SMURF1: variants seen among roughly 807,000 people sequenced by gnomAD.
The protein encoded by SMURF1 is E3 ubiquitin-protein ligase SMURF1.
In SMURF1, 44 loss-of-function variants were observed where a neutral mutation model predicts 98.0. The ratio of observed to expected loss-of-function variants is 0.45; its 90% CI spans 0.35 to 0.58. The LOEUF (loss-of-function observed/expected upper bound fraction) is 0.58, where lower values mean the gene tolerates loss of function less well. Among genes scored for constraint, SMURF1 ranks in the 20% least tolerant of loss-of-function variants. The pLI is 0.00. For missense variants in SMURF1, 687 were observed against 938.4 expected, an observed-to-expected ratio of 0.73 and a Z score of 3.50; for synonymous variants, 396 against 374.9, an observed-to-expected ratio of 1.06 and a Z score of -0.65.
At chr7:99,084,374 G>C (rs1796633342) in intron 1 of SMURF1, among the ~76,000 whole-genome samples, 1 of 152,128 alleles carries the variant, frequency 6.6e-6, no homozygotes, top group Admixed American at 6.6e-5. Flanking sequence ...TCCGACTCTT[G>C]ACCTCGTGAT....
chr7:99,143,818 A>G lies in SMURF1; in HGVS notation c.-38T>C, dbSNP rs199777869. 0.043 allele frequency: 62,354 copies of G among 1,451,388 alleles called. 1,451 individuals carry two copies. The highest frequency in any genetic ancestry group is 0.08 in the Middle Eastern group (409 of 5,144). The allele number at this position is 1,451,388 out of a possible 1,614,324, so 89.9% of individuals were successfully genotyped here. A position where few individuals can be genotyped will look rare whatever the true frequency, so the allele number is the denominator to read the frequency against. ...ATCGGGCAGCCGCGGATCCAGCGCC[A>G]CCGCCCCCCAGCCCGGCCCGGCCCG... On this transcript the variant is annotated 5_prime_UTR_variant, in exon 1 of 18. Transcript: ENST00000361368.
At chr7:99,100,126 A>G (rs1267121177) in intron 1 of SMURF1, among the ~76,000 whole-genome samples, 1 of 131,666 alleles carries the variant, frequency 7.6e-6, no homozygotes, top group South Asian at 2.5e-4. Context: ...AAAAAAAAAA[A>G]GCTGCAAAGC....
intron 17 of SMURF1, chr7:99,031,093 GTCTTTGGGAGAAATTCTT>G (rs906985033): frequency 6.1e-6 from 1 of 164,958 alleles, no homozygotes; most frequent in African/African-American, 2.4e-5. Context: ...CTGTTTGTCT[GTCTTTGGGAGAAATTCTT>G]TCTCTGTACT....
intron 1 of SMURF1, among the ~76,000 whole-genome samples, chr7:99,113,559 G>T (rs373045995): frequency 6.6e-6 from 1 of 152,058 alleles, no homozygotes; most frequent in East Asian, 1.9e-4. Flanking sequence ...AACATTAGAC[G>T]GCTGGGAGCG....
intron 1 of SMURF1, among the ~76,000 whole-genome samples, chr7:99,064,771 G>A (rs1254661126): frequency 6.6e-6 from 1 of 151,974 alleles, no homozygotes; most frequent in Non-Finnish European, 1.5e-5. Context: ...AGTCTTTTTA[G>A]TGGATAGATC....
intron 1 of SMURF1, among the ~76,000 whole-genome samples, chr7:99,105,301 G>A (rs1209370818): frequency 2.0e-5 from 3 of 152,192 alleles, no homozygotes; most frequent in Non-Finnish European, 2.9e-5. Flanking sequence ...TTACGAGCTT[G>A]AGATGCTATA....
chr7:99,102,856 T>C (rs1797117072), intron 1 of SMURF1, among the ~76,000 whole-genome samples: 1 of 152,150 alleles, frequency 6.6e-6, no homozygotes, highest in Non-Finnish European at 1.5e-5. Flanking sequence ...AGACACAGTC[T>C]CACTCCGTCA....
At chr7:99,115,203 G>T (rs1324273233) in intron 1 of SMURF1, among the ~76,000 whole-genome samples, 1 of 151,896 alleles carries the variant, frequency 6.6e-6, no homozygotes, top group Non-Finnish European at 1.5e-5. Flanking sequence ...ATCAAAAGTT[G>T]GTTCTTTGAA....
chr7:99,142,643 G>A (rs1173510647), intron 1 of SMURF1, among the ~76,000 whole-genome samples: 1 of 134,186 alleles, frequency 7.5e-6, no homozygotes, highest in African/African-American at 2.8e-5. Flanking sequence ...GGTGTGGGGG[G>A]GTGAGGGAGA....
intron 1 of SMURF1, among the ~76,000 whole-genome samples, chr7:99,121,863 C>T (rs895785068): frequency 1.3e-5 from 2 of 152,102 alleles, no homozygotes; most frequent in African/African-American, 4.8e-5. Flanking sequence ...CAGGGGAAAA[C>T]CATTGTTCCA....
chr7:99,051,491 A>G, intron 7 of SMURF1, 50 bp from the exon 8 acceptor site: 1 of 1,448,782 alleles, frequency 6.9e-7, no homozygotes, highest in Non-Finnish European at 9.7e-7. Context: ...TTCCAGGGAG[A>G]GTTTGTAACC....
intron 1 of SMURF1, among the ~76,000 whole-genome samples, chr7:99,142,380 C>T (rs1313136971): frequency 6.6e-6 from 1 of 151,810 alleles, no homozygotes; most frequent in South Asian, 2.1e-4. Flanking sequence ...ATTGAAGAAG[C>T]AGAGTTAAAA....
chr7:99,109,046 T>G lies in SMURF1; in HGVS notation c.55+34680A>C, dbSNP rs1294700878. On this transcript the variant is annotated intron_variant, in intron 1 of 17. Coordinates refer to ENST00000361368, the MANE Select transcript of SMURF1 (RefSeq NM_181349.3). ...CTCTGCTATACTCTCTCTATAACGC[T>G]GGGGCTAGAGTTTCACCAACTTACC... Among the ~76,000 whole-genome samples, 4 of 152,200 alleles carry G rather than the reference T, an allele frequency of 2.6e-5. No individual in the cohort carries two copies. In the East Asian group the frequency reaches 7.7e-4, roughly 29 times the overall value.
intron 1 of SMURF1, among the ~76,000 whole-genome samples, chr7:99,102,326 G>C (rs1797101640): frequency 6.6e-6 from 1 of 152,154 alleles, no homozygotes; most frequent in Admixed American, 6.5e-5. Context: ...CCACTCAATA[G>C]TTAAAATGGT....
At chr7:99,143,542 G>T (rs1225712205) in intron 1 of SMURF1, among the ~76,000 whole-genome samples, 184 bp downstream of exon 1, 1 of 126,990 alleles carries the variant, frequency 7.9e-6, no homozygotes, top group East Asian at 2.5e-4. Context: ...CCAGGGGGCG[G>T]GGCCGGGCAA....
chr7:99,109,296 G>A (rs190839593), intron 1 of SMURF1, among the ~76,000 whole-genome samples: 4 of 152,284 alleles, frequency 2.6e-5, no homozygotes, highest in Admixed American at 2.6e-4. Flanking sequence ...CCGGCAAGCC[G>A]CAGGGCTTAG....
chr7:99,061,868 C>T (rs746606195), intron 1 of SMURF1, 31 bp from the exon 2 acceptor site: 148 of 1,539,860 alleles, frequency 9.6e-5, no homozygotes, highest in Non-Finnish European at 1.3e-4. Context: ...CTCAGGTTAG[C>T]ATTAAAGACG....
At chr7:99,083,602 G>C (rs1796615199) in intron 1 of SMURF1, among the ~76,000 whole-genome samples, 1 of 152,190 alleles carries the variant, frequency 6.6e-6, no homozygotes, top group Admixed American at 6.5e-5. Flanking sequence ...TACTGAAGTA[G>C]TCTCTAAGTA....
rs1795625049 is a variant in SMURF1, at chr7:99,047,597, T to G, written c.1152+87A>C. The G allele has an allele frequency of 7.1e-6, 10 of 1,412,882 alleles. No individual in the cohort carries two copies. In the East Asian group the frequency reaches 2.3e-4, roughly 32 times the overall value. The allele number at this position is 1,412,882 out of a possible 1,614,324, so 87.5% of individuals were successfully genotyped here. On this transcript the variant is annotated intron_variant, in intron 10 of 17. Coordinates refer to ENST00000361368, the MANE Select transcript of SMURF1 (RefSeq NM_181349.3). ...AAAGCAGTTCATTTAAAGCAGCCCT[T>G]GAAAACAATCGCATTTGAGATTCCT...
Sources: allele counts gnomAD v4.1 joint callset (sites outside exome capture counted in the v4.1 genomes callset), GRCh38; gene constraint gnomAD v4.1.1; transcripts MANE v1.5; gene names NCBI Gene and HGNC (gene_info 2026-07-23, HGNC 2026-07-21).